INTS6L: variants seen among roughly 807,000 people sequenced by gnomAD.
INTS6L encodes integrator complex subunit 6-like.
A neutral mutation model predicts 64.7 loss-of-function variants in INTS6L; 18 were observed. The observed-to-expected ratio is 0.28, with a 90% CI of 0.19 to 0.41. The LOEUF (loss-of-function observed/expected upper bound fraction) is 0.41. INTS6L is among the 10% of genes least tolerant of loss of function. INTS6L has a pLI of 1.00. For missense variants in INTS6L, 533 were observed against 661.0 expected, an observed-to-expected ratio of 0.81 and a Z score of 2.12; for synonymous variants, 227 against 235.9, an observed-to-expected ratio of 0.96 and a Z score of 0.34.
intron 6 of INTS6L, 67 bp downstream of exon 6, chrX:135,547,332 A>G: frequency 9.2e-7 from 1 of 1,085,252 alleles, no homozygotes; most frequent in African/African-American, 1.9e-5. Flanking sequence ...TAAATAAATT[A>G]CTATAGACAC....
At chrX:135,561,498 G>T (rs951582168) in intron 9 of INTS6L, among the ~76,000 whole-genome samples, 1 of 111,278 alleles carries the variant, frequency 9.0e-6, no homozygotes, top group Admixed American at 9.5e-5. Flanking sequence ...TTTCTTTTTT[G>T]TTGTTGTCTT....
intron 9 of INTS6L, among the ~76,000 whole-genome samples, chrX:135,558,139 A>G (rs1444208406): frequency 8.9e-6 from 1 of 112,205 alleles, no homozygotes; most frequent in East Asian, 2.8e-4. Context: ...CACTATCACA[A>G]AAACAGAAAA....
chrX:135,579,980 G>A lies in INTS6L; in HGVS notation c.2312G>A (p.Gly771Asp), dbSNP rs369498453. The change falls in exon 16 of 18, where the codon GGT (glycine) becomes GAT (aspartate). Residue 771 changes from glycine (G) to aspartate (D), a missense_variant. Physicochemically the swap from Gly to Asp is moderately conservative, Grantham distance 94 (BLOSUM62 -1). Transcript: ENST00000639893. ...LSKDGLIQKP[G>D]SNAFVGGAKN... ...AAAGATGGGCTGATTCAAAAACCTGGTAGTAACGCATTTGTAGGAGGAGCC... is the reference window on the plus strand; with the variant it reads ...AAAGATGGGCTGATTCAAAAACCTGATAGTAACGCATTTGTAGGAGGAGCC... 55 of 1,210,059 alleles carry A rather than the reference G, an allele frequency of 4.5e-5. No homozygotes were observed. The highest frequency in any genetic ancestry group is 5.9e-5 in the Non-Finnish European group (53 of 895,275).
intron 8 of INTS6L, among the ~76,000 whole-genome samples, chrX:135,555,149 GA>G (rs2086617126): frequency 9.0e-6 from 1 of 110,877 alleles, no homozygotes; most frequent in Admixed American, 9.5e-5. Context: ...TCGGCCTCCC[GA>G]AGTGCTAGGA....
Position 135,547,245 on chromosome X carries a change from A to G in INTS6L, c.722A>G (p.Asp241Gly). ...VVINFEKTGP[D>G]PLPIGEDGLM... ...ATTAATTTTGAAAAAACAGGACCAG[A>G]TCCACTTCCTATTGGAGAAGGTATA... is the stretch of plus-strand genomic sequence containing the variant. The change falls in exon 6 of 18, where the codon GAT becomes GGT. Residue 241 changes from aspartate (D) to glycine (G), a missense_variant. Transcript: ENST00000639893. The G allele has an allele frequency of 2.5e-6, 3 of 1,208,939 alleles. No individual in the cohort carries two copies. Among genetic ancestry groups the G allele is most frequent in the Non-Finnish European group, 3.4e-6 (3 of 894,531 alleles).
chrX:135,570,245 A>AT (rs1186106366), intron 10 of INTS6L, 191 bp from the exon 11 acceptor site: 158 of 326,966 alleles, frequency 4.8e-4, no homozygotes, highest in Middle Eastern at 8.7e-4. Context: ...CTCTCTTCTG[A>AT]TTTTTTTTTA....
At chrX:135,573,686 A>G (rs1181894031) in intron 12 of INTS6L, among the ~76,000 whole-genome samples, 2 of 112,508 alleles carry the variant, frequency 1.8e-5, no homozygotes, top group Non-Finnish European at 3.8e-5. Context: ...AGGCGGCCAC[A>G]GGTATCAATC....
intron 2 of INTS6L, among the ~76,000 whole-genome samples, chrX:135,530,785 G>T (rs999247303): frequency 1.8e-5 from 2 of 111,838 alleles, no homozygotes; most frequent in Admixed American, 9.5e-5. Flanking sequence ...AGATGGCCTG[G>T]GGTAGAAGAG....
At chrX:135,544,246 G>A (rs1215301998) in intron 2 of INTS6L, among the ~76,000 whole-genome samples, 6 of 111,738 alleles carry the variant, frequency 5.4e-5, no homozygotes, top group Non-Finnish European at 1.1e-4. Flanking sequence ...TTTGCTCAAG[G>A]TCACACAGGT....
At position 135,577,180 on chromosome X, in the gene INTS6L, A is replaced by T. The variant is rs781999837; in HGVS notation, c.1885-13A>T. ...GGTCTTTAATGAAATACGTTCATTT[A>T]TGTGTTTTTTAGGGAATGATGATTG... is the stretch of plus-strand genomic sequence containing the variant. On this transcript the variant is annotated splice_polypyrimidine_tract_variant and intron_variant, in intron 14 of 17. Coordinates refer to ENST00000639893, the MANE Select transcript of INTS6L (RefSeq NM_001351601.3). 5 of 1,206,532 alleles carry T rather than the reference A, an allele frequency of 4.1e-6. No homozygotes were observed. The highest frequency in any genetic ancestry group is 4.5e-6 in the Non-Finnish European group (4 of 891,688).
In INTS6L at chrX:135,573,832, T is replaced by A. The variant is rs1467822698; in HGVS notation, c.1618-107T>A. On this transcript the variant is annotated intron_variant, in intron 12 of 17. Transcript: ENST00000639893. ...ACTGGGAAAATTCTACTGTAGTCAGTTGTATTGATATAACACTCTTCAATA... is the reference window on the plus strand; with the variant it reads ...ACTGGGAAAATTCTACTGTAGTCAGATGTATTGATATAACACTCTTCAATA... 5.5e-6 allele frequency: 5 copies of A among 911,061 alleles called. No individual in the cohort carries two copies. The East Asian group carries it at 1.8e-4, about 32-fold the overall frequency. The allele number at this position is 911,061 out of a possible 1,213,427, so 75.1% of individuals were successfully genotyped here. A position where few individuals can be genotyped will look rare whatever the true frequency, so the allele number is the denominator to read the frequency against.
intron 2 of INTS6L, 60 bp downstream of exon 2, chrX:135,521,378 T>C: frequency 9.1e-7 from 1 of 1,099,676 alleles, no homozygotes; most frequent in South Asian, 2.0e-5. Flanking sequence ...CGGGGGCTGC[T>C]TACCCCCCTG....
chrX:135,538,104 C>T (rs1225385196), intron 2 of INTS6L, among the ~76,000 whole-genome samples: 1 of 112,107 alleles, frequency 8.9e-6, no homozygotes, highest in Non-Finnish European at 1.9e-5. Flanking sequence ...ATGAACTTTA[C>T]CGCATCGGTG....
At chrX:135,523,271 G>T (rs1366332281) in intron 2 of INTS6L, among the ~76,000 whole-genome samples, 3 of 109,262 alleles carry the variant, frequency 2.7e-5, no homozygotes, top group African/African-American at 1.0e-4. Flanking sequence ...ATGTGGTGGC[G>T]GGCGCCTGTA....
intron 14 of INTS6L, among the ~76,000 whole-genome samples, chrX:135,575,806 GTGTA>G (rs1470837167): frequency 1.6e-4 from 17 of 109,500 alleles, no homozygotes; most frequent in Non-Finnish European, 2.5e-4. Context: ...GTGTGTGTGT[GTGTA>G]TGTGTGTGTG....
chrX:135,572,344 G>C (rs5975543), intron 11 of INTS6L: 1 of 111,784 alleles, frequency 8.9e-6, no homozygotes, highest in Non-Finnish European at 1.9e-5. Flanking sequence ...AATTTTTTCA[G>C]ACCTTTTTTG....
chrX:135,559,233 A>G (rs937871422), intron 9 of INTS6L, among the ~76,000 whole-genome samples: 5 of 112,244 alleles, frequency 4.5e-5, no homozygotes, highest in African/African-American at 1.6e-4. Context: ...AAGATACAGA[A>G]CATTTTCATC....
chrX:135,541,062 G>A (rs2086205726), intron 2 of INTS6L, among the ~76,000 whole-genome samples: 1 of 111,721 alleles, frequency 9.0e-6, no homozygotes, highest in Non-Finnish European at 1.9e-5. Context: ...GATTACAGGT[G>A]TGAGCCATCG....
At chrX:135,544,825 C>A (rs1556514325) in intron 2 of INTS6L, among the ~76,000 whole-genome samples, 1 of 111,796 alleles carries the variant, frequency 8.9e-6, no homozygotes, top group Non-Finnish European at 1.9e-5. Context: ...GCTTCTTTGC[C>A]AAAACTTTTT....
Sources: allele counts gnomAD v4.1 joint callset (sites outside exome capture counted in the v4.1 genomes callset), GRCh38; gene constraint gnomAD v4.1.1; transcripts MANE v1.5; gene names NCBI Gene and HGNC (gene_info 2026-07-23, HGNC 2026-07-21).